Variants in TOX observed in about 807,000 individuals in gnomAD.
The protein encoded by TOX is thymocyte selection-associated high mobility group box protein TOX.
Under a neutral mutation model 53.7 loss-of-function variants are expected in TOX, and 11 were observed. That is an observed-to-expected ratio of 0.20 (90% CI 0.13 to 0.34). TOX has a LOEUF of 0.34. Ranked by LOEUF, TOX falls within the 10% of genes least tolerant of loss-of-function variation. The pLI, the probability that TOX is intolerant of heterozygous loss-of-function variation, is 1.00. For missense variants in TOX, 570 were observed against 664.6 expected, an observed-to-expected ratio of 0.86 and a Z score of 1.56; for synonymous variants, 225 against 245.3, an observed-to-expected ratio of 0.92 and a Z score of 0.77.
intron 4 of TOX, among the ~76,000 whole-genome samples, chr8:58,842,462 T>A (rs918290999): frequency 6.6e-6 from 1 of 152,208 alleles, no homozygotes; most frequent in Non-Finnish European, 1.5e-5. Context: ...AAGAAATATA[T>A]CTCTGTTCTT....
chr8:59,048,574 T>C (rs2129421169), intron 1 of TOX, among the ~76,000 whole-genome samples: 1 of 152,368 alleles, frequency 6.6e-6, no homozygotes, highest in Non-Finnish European at 1.5e-5. Flanking sequence ...GGAAGTTTTC[T>C]TGGAAATGTT....
intron 1 of TOX, among the ~76,000 whole-genome samples, chr8:58,974,323 T>C (rs1315313156): frequency 6.6e-6 from 1 of 152,188 alleles, no homozygotes; most frequent in Non-Finnish European, 1.5e-5. Context: ...CCCTTGTCTA[T>C]GTCATGGGTT....
At position 59,107,056 on chromosome 8, in the gene TOX, G is replaced by GGT. The variant is rs1804925339; in HGVS notation, c.102+11829_102+11830insAC. 1.6e-5 allele frequency among the ~76,000 whole-genome samples: 2 copies of GGT among 126,660 alleles called. 1 individual carries two copies. Among genetic ancestry groups the GGT allele is most frequent in the Non-Finnish European group, 3.3e-5 (2 of 60,086 alleles). 83.1% of individuals were successfully genotyped at this position (126,660 alleles called of 152,430 possible). On this transcript the variant is annotated intron_variant, in intron 1 of 8. Transcript: ENST00000361421. The stretch of plus-strand genomic sequence containing the variant: ...TATAAAGCAGTTTGCTGGGGGGGGG[G>GGT]GGAACGTGACATTTCTAATTCATTC...
intron 4 of TOX, among the ~76,000 whole-genome samples, chr8:58,841,862 A>G (rs1380005812): frequency 6.6e-6 from 1 of 152,228 alleles, no homozygotes; most frequent in African/African-American, 2.4e-5. Context: ...AATTGGGAAC[A>G]AAGTACAGAA....
At chr8:59,056,238 C>T (rs1471018263) in intron 1 of TOX, among the ~76,000 whole-genome samples, 1 of 151,520 alleles carries the variant, frequency 6.6e-6, no homozygotes, top group African/African-American at 2.4e-5. Context: ...CCAGCCTGGG[C>T]AACATAGCAA....
At chr8:59,031,489 A>G (rs1814354672) in intron 1 of TOX, among the ~76,000 whole-genome samples, 1 of 152,196 alleles carries the variant, frequency 6.6e-6, no homozygotes, top group Non-Finnish European at 1.5e-5. Context: ...TAAATTAGGG[A>G]ACAAAAAGAT....
intron 3 of TOX, among the ~76,000 whole-genome samples, chr8:58,924,996 C>G (rs1241063201): frequency 1.3e-5 from 2 of 152,190 alleles, no homozygotes; most frequent in Non-Finnish European, 2.9e-5. Flanking sequence ...CTGCAGCGCT[C>G]CCTACTTTCC....
chr8:58,902,403 G>A (rs749603821), intron 3 of TOX, among the ~76,000 whole-genome samples: 7 of 152,036 alleles, frequency 4.6e-5, no homozygotes, highest in African/African-American at 1.2e-4. Flanking sequence ...GATGCAGGAC[G>A]GGGGGTCCTA....
intron 3 of TOX, among the ~76,000 whole-genome samples, chr8:58,906,655 A>G (rs1204036152): frequency 1.3e-5 from 2 of 152,182 alleles, no homozygotes; most frequent in African/African-American, 4.8e-5. Flanking sequence ...TCTGCATAAA[A>G]CTTTTGGTCC....
At chr8:58,938,658 C>G (rs1248826876) in intron 3 of TOX, among the ~76,000 whole-genome samples, 1 of 152,064 alleles carries the variant, frequency 6.6e-6, no homozygotes, top group African/African-American at 2.4e-5. Context: ...CTGGGTAGAG[C>G]CTGAGAATTT....
In TOX at chr8:58,865,827, C is replaced by CTTTTTT. The variant is rs768072284; in HGVS notation, c.412-14028_412-14023dup. 3.0e-4 allele frequency among the ~76,000 whole-genome samples: 27 copies of CTTTTTT among 91,332 alleles called. 4 individuals carry two copies. Among genetic ancestry groups the CTTTTTT allele is most frequent in the Non-Finnish European group, 2.8e-4 (13 of 45,660 alleles). The allele number at this position is 91,332 out of a possible 152,430, so 59.9% of individuals were successfully genotyped here. A position where few individuals can be genotyped will look rare whatever the true frequency, so the allele number is the denominator to read the frequency against. On this transcript the variant is annotated intron_variant, in intron 3 of 8. Coordinates refer to ENST00000361421, the MANE Select transcript of TOX (RefSeq NM_014729.3). ...TTCTTAATTATGGTAATGACAGTGG[C>CTTTTTT]TTTTTTTTTTTTTTTTTTTTGTCCT...
chr8:58,848,624 T>C (rs1234310573), intron 4 of TOX, among the ~76,000 whole-genome samples: 2 of 152,152 alleles, frequency 1.3e-5, no homozygotes, highest in African/African-American at 4.8e-5. Context: ...GTATCTCTTA[T>C]ATTACAAATA....
chr8:59,016,311 T>C (rs770561200), intron 1 of TOX, among the ~76,000 whole-genome samples: 1 of 152,188 alleles, frequency 6.6e-6, no homozygotes, highest in Non-Finnish European at 1.5e-5. Context: ...GAAGTATTTT[T>C]ATTTACATAA....
intron 1 of TOX, among the ~76,000 whole-genome samples, chr8:59,082,133 T>C (rs569172609): frequency 2.0e-5 from 3 of 152,360 alleles, no homozygotes; most frequent in Non-Finnish European, 4.4e-5. Context: ...TAGTGATCTT[T>C]GCATTGTAGT....
intron 2 of TOX, among the ~76,000 whole-genome samples, chr8:58,950,745 G>A (rs1812608379): frequency 6.6e-6 from 1 of 152,100 alleles, no homozygotes; most frequent in Admixed American, 6.6e-5. Context: ...ATCTTCTGGA[G>A]GGGAAAAGGA....
intron 4 of TOX, among the ~76,000 whole-genome samples, chr8:58,848,030 T>C (rs1173739512): frequency 4.6e-5 from 7 of 152,048 alleles, no homozygotes; most frequent in Admixed American, 4.6e-4. Context: ...AATAACTTCA[T>C]AAAATAATTA....
chr8:58,936,313 A>G (rs1225280285), intron 3 of TOX, among the ~76,000 whole-genome samples: 1 of 152,156 alleles, frequency 6.6e-6, no homozygotes, highest in Non-Finnish European at 1.5e-5. Flanking sequence ...TTTTCTACTA[A>G]GTTTTATACC....
chr8:59,077,728 A>T (rs1417236872), intron 1 of TOX, among the ~76,000 whole-genome samples: 1 of 152,242 alleles, frequency 6.6e-6, no homozygotes, highest in African/African-American at 2.4e-5. Flanking sequence ...GTTGATACTG[A>T]ATGAAGTTCG....
chr8:58,993,618 A>G (rs1389710944), intron 1 of TOX, among the ~76,000 whole-genome samples: 1 of 152,370 alleles, frequency 6.6e-6, no homozygotes, highest in East Asian at 1.9e-4. Context: ...ACCCAGAGGT[A>G]AGACCTGATG....
Sources: allele counts gnomAD v4.1 joint callset (sites outside exome capture counted in the v4.1 genomes callset), GRCh38; gene constraint gnomAD v4.1.1; transcripts MANE v1.5; gene names NCBI Gene and HGNC (gene_info 2026-07-23, HGNC 2026-07-21).